The following DGKB variants were observed in gnomAD, a reference collection of about 807,000 sequenced individuals.
The protein encoded by DGKB is 90 kDa diacylglycerol kinase.
A neutral mutation model predicts 114.3 loss-of-function variants in DGKB; 67 were observed. The ratio of observed to expected loss-of-function variants is 0.59; its 90% confidence interval spans 0.48 to 0.72. The LOEUF (loss-of-function observed/expected upper bound fraction) is 0.72, where lower values mean the gene tolerates loss of function less well. Ranked by LOEUF, DGKB falls within the 30% of genes least tolerant of loss-of-function variation. The pLI, the probability that DGKB is intolerant of heterozygous loss-of-function variation, is 0.00. For missense variants in DGKB, 907 were observed against 975.2 expected (o/e 0.93, Z 0.93); for synonymous variants, 398 against 323.1 (o/e 1.23, Z -2.49).
At chr7:14,696,492 A>C in intron 8 of DGKB, among the ~76,000 whole-genome samples, 1 of 119,084 alleles carries the variant, frequency 8.4e-6, no homozygotes, top group African/African-American at 3.2e-5. Context: ...ACAGAGCGAG[A>C]CTCCGTCTCA....
intron 1 of DGKB, among the ~76,000 whole-genome samples, chr7:14,867,079 C>T (rs376133517): frequency 1.8e-4 from 28 of 152,088 alleles, no homozygotes; most frequent in East Asian, 9.7e-4. Flanking sequence ...TTGAGTTATT[C>T]GTTTCCATAT....
rs1172290488 is a variant in DGKB, at chr7:14,147,926, G to T, written c.*1205C>A. The T allele has an allele frequency of 6.6e-6, 1 of 152,146 alleles. No individual in the cohort carries two copies. The highest frequency in any genetic ancestry group is 1.5e-5 in the Non-Finnish European group (1 of 67,998). 9.4% of individuals were successfully genotyped at this position (152,146 alleles called of 1,614,324 possible). A position where few individuals can be genotyped will look rare whatever the true frequency, so the allele number is the denominator to read the frequency against. Reference sequence around the variant, plus strand: ...AAATAAACATTTGAAATGTCATAAAGATGGGAGTGGAGTAGGTGAGGAGGA... The same window carrying T: ...AAATAAACATTTGAAATGTCATAAATATGGGAGTGGAGTAGGTGAGGAGGA... On this transcript the variant is annotated 3_prime_UTR_variant, in exon 26 of 26. Coordinates refer to ENST00000402815, the MANE Select transcript of DGKB (RefSeq NM_001350709.2).
chr7:14,876,981 A>G (rs1853385621), intron 1 of DGKB, among the ~76,000 whole-genome samples: 1 of 152,210 alleles, frequency 6.6e-6, no homozygotes, highest in South Asian at 2.1e-4. Flanking sequence ...TGTGATTTCA[A>G]TATCTTGCAC....
At chr7:14,823,475 AT>A (rs1044243928) in intron 2 of DGKB, among the ~76,000 whole-genome samples, 5 of 151,946 alleles carry the variant, frequency 3.3e-5, no homozygotes, top group Non-Finnish European at 4.4e-5. Flanking sequence ...AGAATTTCAG[AT>A]TTTTTTTGCT....
intron 21 of DGKB, among the ~76,000 whole-genome samples, chr7:14,477,724 C>A (rs940423198): frequency 6.6e-6 from 1 of 152,016 alleles, no homozygotes; most frequent in Non-Finnish European, 1.5e-5. Context: ...ACTATAATTT[C>A]TTTTGATTTA....
At chr7:14,974,001 A>C (rs1200536837) in intron 1 of DGKB, among the ~76,000 whole-genome samples, 1 of 151,426 alleles carries the variant, frequency 6.6e-6, no homozygotes, top group Non-Finnish European at 1.5e-5. Context: ...TCAGGAAGGA[A>C]TTCCTCTTAT....
At chr7:14,804,068 T>TGG (rs34492285) in intron 2 of DGKB, among the ~76,000 whole-genome samples, 42 of 124,224 alleles carry the variant, frequency 3.4e-4, no homozygotes, top group South Asian at 9.8e-4. Context: ...CTTCACTTTT[T>TGG]GGGTGTGTGT....
intron 6 of DGKB, among the ~76,000 whole-genome samples, chr7:14,712,785 T>C (rs1827587376): frequency 6.6e-6 from 1 of 152,082 alleles, no homozygotes; most frequent in Non-Finnish European, 1.5e-5. Flanking sequence ...AACCTTTCTC[T>C]TTTAAAACTA....
At position 14,145,979 on chromosome 7, in the gene DGKB, C is replaced by T. The variant is rs1781437662; in HGVS notation, c.*3152G>A. The T allele has an allele frequency of 6.6e-6, 1 of 152,152 alleles. No individual in the cohort carries two copies. The highest frequency in any genetic ancestry group is 1.5e-5 in the Non-Finnish European group (1 of 68,032). 9.4% of individuals were successfully genotyped at this position (152,152 alleles called of 1,614,324 possible). A position where few individuals can be genotyped will look rare whatever the true frequency, so the allele number is the denominator to read the frequency against. Reference sequence around the variant, plus strand: ...TGGAAACACGTATGTGATTCATTAGCCCTCACTGGATTTAAATTTCTGTCT... The same window carrying T: ...TGGAAACACGTATGTGATTCATTAGTCCTCACTGGATTTAAATTTCTGTCT... On this transcript the variant is annotated 3_prime_UTR_variant, in exon 26 of 26. Coordinates refer to ENST00000402815, the MANE Select transcript of DGKB (RefSeq NM_001350709.2).
At chr7:14,321,171 G>C (rs964569561) in intron 23 of DGKB, among the ~76,000 whole-genome samples, 1 of 151,978 alleles carries the variant, frequency 6.6e-6, no homozygotes. Context: ...CATGCCAGTG[G>C]TCCCAGCCGC....
At chr7:14,892,392 G>A (rs1272333999) in intron 1 of DGKB, among the ~76,000 whole-genome samples, 1 of 151,220 alleles carries the variant, frequency 6.6e-6, no homozygotes, top group Non-Finnish European at 1.5e-5. Context: ...AAGGAAAATT[G>A]CCATACAGAC....
intron 1 of DGKB, among the ~76,000 whole-genome samples, chr7:14,876,213 A>T (rs1008387669): frequency 6.7e-5 from 10 of 149,668 alleles, no homozygotes; most frequent in African/African-American, 2.6e-4. Flanking sequence ...TGGCAGTGAC[A>T]CAACGACCCA....
At chr7:14,729,894 G>A (rs1162137266) in intron 5 of DGKB, among the ~76,000 whole-genome samples, 4 of 152,228 alleles carry the variant, frequency 2.6e-5, no homozygotes, top group African/African-American at 7.2e-5. Context: ...ATGAATTAAT[G>A]AATGAATAAA....
intron 20 of DGKB, among the ~76,000 whole-genome samples, chr7:14,489,298 A>G (rs11771951): frequency 0.32 from 49,005 of 152,066 alleles, 8,510 homozygotes; most frequent in South Asian, 0.42. Context: ...TTTTGAATTG[A>G]GAAATCAAGT....
chr7:14,710,356 C>T (rs1827150393), intron 6 of DGKB, among the ~76,000 whole-genome samples: 1 of 151,986 alleles, frequency 6.6e-6, no homozygotes, highest in Admixed American at 6.6e-5. Flanking sequence ...TTTATTTCTA[C>T]CTTGTAGGCA....
intron 21 of DGKB, among the ~76,000 whole-genome samples, chr7:14,354,884 C>A (rs1207262633): frequency 6.6e-6 from 1 of 152,206 alleles, no homozygotes; most frequent in African/African-American, 2.4e-5. Context: ...TGAATAAGAG[C>A]CTGACCATTT....
chr7:14,700,212 A>ATT (rs3071277), intron 7 of DGKB, among the ~76,000 whole-genome samples: 28 of 131,200 alleles, frequency 2.1e-4, no homozygotes, highest in East Asian at 7.5e-4. Context: ...TTGAAAAAAA[A>ATT]TTTTTTTTTT....
At chr7:14,901,400 A>T (rs1390459043) in intron 1 of DGKB, among the ~76,000 whole-genome samples, 1 of 152,178 alleles carries the variant, frequency 6.6e-6, no homozygotes. Flanking sequence ...GTTATTTCAC[A>T]AATTTTGAAG....
At chr7:14,881,517 G>C (rs1002785075) in intron 1 of DGKB, among the ~76,000 whole-genome samples, 2 of 152,068 alleles carry the variant, frequency 1.3e-5, no homozygotes, top group Non-Finnish European at 2.9e-5. Context: ...ATTTTCTCAA[G>C]AGTAAATTGG....
Sources: gnomAD v4.1 joint callset for allele counts (sites outside exome capture counted in the v4.1 genomes callset) on GRCh38, gnomAD v4.1.1 for gene constraint, MANE v1.5 for transcripts, NCBI Gene and HGNC (gene_info 2026-07-23, HGNC 2026-07-21) for gene names.